Variants in ZBTB20 observed in about 807,000 individuals in gnomAD.
The protein encoded by ZBTB20 is zinc finger and BTB domain containing 20, also known as zinc finger and BTB domain-containing protein 20.
ZBTB20 carries 9 observed loss-of-function variants against 56.9 expected under a neutral mutation model. The ratio of observed to expected loss-of-function variants is 0.16; its 90% confidence interval spans 0.10 to 0.28. The LOEUF (loss-of-function observed/expected upper bound fraction) is 0.28. ZBTB20 is among the 10% of genes least tolerant of loss of function. The pLI, the probability that ZBTB20 is intolerant of heterozygous loss-of-function variation, is 1.00. For missense variants in ZBTB20, 655 were observed against 1,003.0 expected, an observed-to-expected ratio of 0.65 and a Z score of 4.69; for synonymous variants, 417 against 420.7, an observed-to-expected ratio of 0.99 and a Z score of 0.11.
chr3:114,704,131 T>G (rs1004159851), intron 5 of ZBTB20, among the ~76,000 whole-genome samples: 4 of 152,130 alleles, frequency 2.6e-5, no homozygotes, highest in African/African-American at 9.7e-5. Flanking sequence ...AAAGGTTATT[T>G]TCTTACCTCA....
intron 3 of ZBTB20, among the ~76,000 whole-genome samples, chr3:114,910,070 T>C (rs79649205): frequency 0.012 from 1,756 of 151,564 alleles, 14 homozygotes; most frequent in Middle Eastern, 0.031. Context: ...AGAAATAAAA[T>C]TAAAAAGAAA....
intron 7 of ZBTB20, among the ~76,000 whole-genome samples, chr3:114,442,796 T>C (rs1193258032): frequency 1.3e-5 from 2 of 152,194 alleles, no homozygotes; most frequent in Non-Finnish European, 2.9e-5. Context: ...GTCCACTTTG[T>C]ATGTTGCTCT....
chr3:114,638,558 C>T (rs1369255779), intron 6 of ZBTB20, among the ~76,000 whole-genome samples: 1 of 151,990 alleles, frequency 6.6e-6, no homozygotes, highest in South Asian at 2.1e-4. Context: ...AACTAGATAA[C>T]AGACATTGGT....
intron 6 of ZBTB20, among the ~76,000 whole-genome samples, chr3:114,518,248 A>G (rs2046248616): frequency 6.6e-6 from 1 of 152,136 alleles, no homozygotes; most frequent in African/African-American, 2.4e-5. Context: ...ACTTAAAAGC[A>G]TTCTTCAAAT....
intron 3 of ZBTB20, among the ~76,000 whole-genome samples, chr3:114,940,392 ATT>A (rs11338133): frequency 0.018 from 2,449 of 134,928 alleles, 100 homozygotes; most frequent in Non-Finnish European, 0.02. Context: ...TTCATTTCTG[ATT>A]TTTTTTTTTT....
At chr3:114,926,415 C>T (rs951281120) in intron 3 of ZBTB20, among the ~76,000 whole-genome samples, 1 of 152,154 alleles carries the variant, frequency 6.6e-6, no homozygotes, top group African/African-American at 2.4e-5. Context: ...CTACTATCTG[C>T]AGGCTGGTTG....
At position 114,330,300 on chromosome 3, in the gene ZBTB20, A is replaced by T. The variant is rs1462478663; in HGVS notation, c.*8705T>A. On this transcript the variant is annotated 3_prime_UTR_variant, in exon 12 of 12. Coordinates refer to ENST00000675478, the MANE Select transcript of ZBTB20 (RefSeq NM_001348800.3). Reference sequence around the variant, plus strand: ...CCAGATTAACTGCAGCAGGTTGGTGATGGGTGATATAAGCAAAGACATAAT... The same window carrying T: ...CCAGATTAACTGCAGCAGGTTGGTGTTGGGTGATATAAGCAAAGACATAAT... 1 of 152,226 alleles carries T rather than the reference A, an allele frequency of 6.6e-6. No homozygotes were observed. Among genetic ancestry groups the T allele is most frequent in the East Asian group, 1.9e-4 (1 of 5,204 alleles). The allele number at this position is 152,226 out of a possible 1,614,324, so 9.4% of individuals were successfully genotyped here.
At chr3:114,367,459 A>G (rs944069930) in intron 10 of ZBTB20, among the ~76,000 whole-genome samples, 7 of 152,126 alleles carry the variant, frequency 4.6e-5, no homozygotes, top group African/African-American at 1.7e-4. Flanking sequence ...GGGTTTCACT[A>G]TGTTGCTGAG....
chr3:114,440,327 G>C (rs891834394), intron 7 of ZBTB20, among the ~76,000 whole-genome samples: 1 of 152,022 alleles, frequency 6.6e-6, no homozygotes, highest in African/African-American at 2.4e-5. Context: ...GATTTGTCCT[G>C]TAAGGAAGGG....
chr3:114,978,943 T>G (rs2078218418), intron 2 of ZBTB20, among the ~76,000 whole-genome samples: 1 of 151,950 alleles, frequency 6.6e-6, no homozygotes, highest in African/African-American at 2.4e-5. Context: ...AAAATGTCTA[T>G]CTGTCATTTT....
intron 6 of ZBTB20, among the ~76,000 whole-genome samples, chr3:114,641,546 G>A (rs944112433): frequency 1.5e-4 from 22 of 151,648 alleles, no homozygotes; most frequent in African/African-American, 3.6e-4. Flanking sequence ...GAAACGAGGC[G>A]AAAAGTGGCT....
At chr3:114,802,012 A>C (rs2071756535) in intron 4 of ZBTB20, among the ~76,000 whole-genome samples, 1 of 152,086 alleles carries the variant, frequency 6.6e-6, no homozygotes, top group African/African-American at 2.4e-5. Context: ...TTCTTCAAAC[A>C]ACACCATCTA....
chr3:114,623,544 G>T (rs755080196), intron 6 of ZBTB20, among the ~76,000 whole-genome samples: 2 of 152,132 alleles, frequency 1.3e-5, no homozygotes, highest in South Asian at 4.1e-4. Context: ...TCCAAAGGTC[G>T]GGTGTGGGGA....
chr3:114,361,669 A>G (rs1160242642), intron 10 of ZBTB20, among the ~76,000 whole-genome samples: 2 of 152,176 alleles, frequency 1.3e-5, no homozygotes, highest in African/African-American at 4.8e-5. Flanking sequence ...GGGTAAGGAG[A>G]GTGAGGCTGA....
intron 3 of ZBTB20, among the ~76,000 whole-genome samples, chr3:114,939,085 T>C (rs963124076): frequency 1.4e-5 from 2 of 145,688 alleles, no homozygotes; most frequent in African/African-American, 2.8e-5. Context: ...GATCCACAGG[T>C]ATAGCAGCTG....
intron 2 of ZBTB20, among the ~76,000 whole-genome samples, chr3:115,019,947 AAC>A (rs1237803713): frequency 2.0e-5 from 3 of 151,254 alleles, no homozygotes; most frequent in Admixed American, 6.6e-5. Context: ...CAAAAATAAG[AAC>A]AACAAAAATT....
At chr3:114,863,097 T>C (rs1235010757) in intron 4 of ZBTB20, among the ~76,000 whole-genome samples, 1 of 152,146 alleles carries the variant, frequency 6.6e-6, no homozygotes, top group Non-Finnish European at 1.5e-5. Flanking sequence ...GTTTTTACCA[T>C]GTTACCCTCC....
chr3:114,757,345 A>G (rs925624659), intron 5 of ZBTB20, among the ~76,000 whole-genome samples: 2 of 152,210 alleles, frequency 1.3e-5, no homozygotes, highest in Admixed American at 1.3e-4. Flanking sequence ...CTATTCTTAC[A>G]TAGAGGACTA....
At chr3:114,463,921 C>T (rs769365835) in intron 7 of ZBTB20, among the ~76,000 whole-genome samples, 1 of 152,170 alleles carries the variant, frequency 6.6e-6, no homozygotes, top group Non-Finnish European at 1.5e-5. Context: ...AAATTAACTA[C>T]ATGGTATAAT....
Sources: gnomAD v4.1 joint callset for allele counts (sites outside exome capture counted in the v4.1 genomes callset) on GRCh38, gnomAD v4.1.1 for gene constraint, MANE v1.5 for transcripts, NCBI Gene and HGNC (gene_info 2026-07-23, HGNC 2026-07-21) for gene names.